Variants in NUBPL observed in about 807,000 individuals in gnomAD.
NUBPL encodes NUBP iron-sulfur cluster assembly factor, mitochondrial.
NUBPL carries 31 observed loss-of-function variants against 45.7 expected under a neutral mutation model. The observed-to-expected ratio is 0.68, with a 90% CI of 0.51 to 0.92. NUBPL has a LOEUF of 0.92. Ranked by LOEUF, NUBPL falls within the 40% of genes least tolerant of loss-of-function variation. The pLI, the probability that NUBPL is intolerant of heterozygous loss-of-function variation, is 0.00. For missense variants in NUBPL, 401 were observed against 398.7 expected, an observed-to-expected ratio of 1.01 and a Z score of -0.05; for synonymous variants, 144 against 140.9, an observed-to-expected ratio of 1.02 and a Z score of -0.15.
chr14:31,733,460 T>G (rs2139982367), intron 6 of NUBPL, among the ~76,000 whole-genome samples: 1 of 152,352 alleles, frequency 6.6e-6, no homozygotes, highest in Middle Eastern at 3.4e-3. Flanking sequence ...TCGAGTCTTC[T>G]GATCCATGAA....
intron 3 of NUBPL, among the ~76,000 whole-genome samples, chr14:31,571,376 G>A (rs1227525544): frequency 6.6e-6 from 1 of 150,600 alleles, no homozygotes; most frequent in African/African-American, 2.4e-5. Flanking sequence ...TTCACACAAA[G>A]GCACTGTGTG....
intron 7 of NUBPL, among the ~76,000 whole-genome samples, chr14:31,798,116 ATGT>A (rs1397584018): frequency 6.7e-6 from 1 of 149,178 alleles, no homozygotes; most frequent in Admixed American, 6.6e-5. Flanking sequence ...TGTTAGTCTG[ATGT>A]TGTGCCCCCT....
At chr14:31,624,621 G>A (rs1474362168) in intron 4 of NUBPL, among the ~76,000 whole-genome samples, 1 of 152,126 alleles carries the variant, frequency 6.6e-6, no homozygotes, top group African/African-American at 2.4e-5. Context: ...CTGGAGTGCA[G>A]TGATGTAATC....
At chr14:31,807,920 A>G (rs2039722159) in intron 7 of NUBPL, among the ~76,000 whole-genome samples, 1 of 152,164 alleles carries the variant, frequency 6.6e-6, no homozygotes, top group African/African-American at 2.4e-5. Flanking sequence ...TTTGTCAAAG[A>G]TCAGATGGTT....
chr14:31,627,311 A>G (rs2035229705), intron 4 of NUBPL, among the ~76,000 whole-genome samples: 1 of 152,170 alleles, frequency 6.6e-6, no homozygotes, highest in African/African-American at 2.4e-5. Flanking sequence ...GTAGATGTCA[A>G]GAGTGTTGTA....
chr14:31,737,476 C>CTTA (rs3035711), intron 6 of NUBPL, among the ~76,000 whole-genome samples: 151,662 of 152,286 alleles, frequency 1, 75,524 homozygotes, highest in Middle Eastern at 1. Context: ...CTTGTATATA[C>CTTA]TTATAACAAT....
intron 4 of NUBPL, among the ~76,000 whole-genome samples, chr14:31,634,615 G>T: frequency 6.6e-6 from 1 of 151,980 alleles, no homozygotes; most frequent in Non-Finnish European, 1.5e-5. Context: ...GTAATGGGAT[G>T]GCTGGGTCAA....
chr14:31,638,448 C>T (rs963688644), intron 4 of NUBPL, among the ~76,000 whole-genome samples: 13 of 151,594 alleles, frequency 8.6e-5, no homozygotes, highest in East Asian at 5.8e-4. Context: ...GAGTTTCTGC[C>T]GAGAGATCCG....
At chr14:31,801,735 C>A (rs1162263798) in intron 7 of NUBPL, among the ~76,000 whole-genome samples, 4 of 152,090 alleles carry the variant, frequency 2.6e-5, no homozygotes, top group African/African-American at 9.7e-5. Context: ...GGAAATTGTT[C>A]TTATAATAGA....
chr14:31,743,304 A>G lies in NUBPL; in HGVS notation c.514-44476A>G, dbSNP rs140811217. Among the ~76,000 whole-genome samples the G allele has an allele frequency of 2.1e-3, 317 of 152,300 alleles. 1 individual carries two copies. The highest frequency in any genetic ancestry group is 7.3e-3 in the African/African-American group (303 of 41,556). ...AGCTAGGTTGCTGAATATATCTAAC[A>G]GAAAATTATATTCTCCAGATTGGTG... On this transcript the variant is annotated intron_variant, in intron 6 of 10. Transcript: ENST00000281081.
At chr14:31,845,020 C>T (rs924713991) in intron 8 of NUBPL, 3 of 152,048 alleles carry the variant, frequency 2.0e-5, no homozygotes, top group Non-Finnish European at 4.4e-5. Context: ...CCAGAATCGC[C>T]CTCCCCCCGC....
chr14:31,735,901 A>G (rs1353870520), intron 6 of NUBPL, among the ~76,000 whole-genome samples: 2 of 152,152 alleles, frequency 1.3e-5, no homozygotes, highest in African/African-American at 4.8e-5. Context: ...AGAAAGACAT[A>G]TTACTTGTTT....
At chr14:31,650,234 T>A (rs1416626777) in intron 4 of NUBPL, among the ~76,000 whole-genome samples, 2 of 152,114 alleles carry the variant, frequency 1.3e-5, no homozygotes, top group East Asian at 3.8e-4. Flanking sequence ...ATTGCATATG[T>A]GTGTAAAGAT....
intron 4 of NUBPL, among the ~76,000 whole-genome samples, chr14:31,617,767 G>A (rs917884835): frequency 6.6e-6 from 1 of 152,178 alleles, no homozygotes; most frequent in South Asian, 2.1e-4. Flanking sequence ...CCAGGTTTTG[G>A]TATCAGGCTG....
Position 31,716,628 on chromosome 14 carries a change from G to C in NUBPL, c.513+43054G>C, listed in dbSNP as rs553505260. Among the ~76,000 whole-genome samples the C allele has an allele frequency of 6.6e-5, 10 of 152,296 alleles. No homozygotes were observed. The East Asian group carries it at 1.7e-3, about 26-fold the overall frequency. ...AAATGGTGCAGCCAACATTTGAACA[G>C]AGTCTAAAACCTCTGCAATTCATCT... On this transcript the variant is annotated intron_variant, in intron 6 of 10. Coordinates refer to ENST00000281081, the MANE Select transcript of NUBPL (RefSeq NM_025152.3).
chr14:31,700,833 C>G (rs928724272), intron 6 of NUBPL, among the ~76,000 whole-genome samples: 2 of 152,202 alleles, frequency 1.3e-5, no homozygotes, highest in Admixed American at 1.3e-4. Context: ...CCCTCCCCCC[C>G]ACCACCGTGG....
chr14:31,655,078 T>A (rs1566479858), intron 4 of NUBPL, among the ~76,000 whole-genome samples: 1 of 152,188 alleles, frequency 6.6e-6, no homozygotes, highest in Non-Finnish European at 1.5e-5. Context: ...CTCAGTGTCA[T>A]CCATGAGGGT....
chr14:31,780,220 G>T (rs1030793221), intron 6 of NUBPL, among the ~76,000 whole-genome samples: 2 of 146,546 alleles, frequency 1.4e-5, no homozygotes, highest in Admixed American at 1.4e-4. Flanking sequence ...GTGCCACCAT[G>T]CCTGGCTAAT....
chr14:31,632,928 A>G (rs184506308), intron 4 of NUBPL, among the ~76,000 whole-genome samples: 2 of 152,368 alleles, frequency 1.3e-5, no homozygotes, highest in Admixed American at 6.5e-5. Flanking sequence ...ATGTTAATCT[A>G]TATTTTACAT....
Sources: allele counts gnomAD v4.1 joint callset (sites outside exome capture counted in the v4.1 genomes callset), GRCh38; gene constraint gnomAD v4.1.1; transcripts MANE v1.5; gene names NCBI Gene and HGNC (gene_info 2026-07-23, HGNC 2026-07-21).